TFDP2: variants seen among roughly 807,000 people sequenced by gnomAD.
TFDP2 encodes the protein transcription factor Dp-2, also known as transcription factor Dp-2 (E2F dimerization partner 2).
In TFDP2, 17 loss-of-function variants were observed where a neutral mutation model predicts 59.3. That is an observed-to-expected ratio of 0.29 (90% CI 0.20 to 0.43). TFDP2 has a LOEUF of 0.43. Ranked by LOEUF, TFDP2 falls within the 20% of genes least tolerant of loss-of-function variation. The pLI, the probability that TFDP2 is intolerant of heterozygous loss-of-function variation, is 1.00. For missense variants in TFDP2, 391 were observed against 528.8 expected (o/e 0.74, Z 2.56); for synonymous variants, 180 against 194.7 (o/e 0.92, Z 0.63).
chr3:142,115,564 G>A (rs1419728792), intron 1 of TFDP2, among the ~76,000 whole-genome samples: 2 of 151,944 alleles, frequency 1.3e-5, no homozygotes, highest in East Asian at 1.9e-4. Flanking sequence ...GTGATCCGCC[G>A]GCCTCGGCCT....
chr3:142,126,499 A>G (rs890215368), intron 1 of TFDP2: 1 of 152,020 alleles, frequency 6.6e-6, no homozygotes, highest in Non-Finnish European at 1.5e-5. Flanking sequence ...TATAGTTCTG[A>G]AACTGCAATA....
At chr3:142,140,554 A>T (rs2108750259) in intron 1 of TFDP2, among the ~76,000 whole-genome samples, 1 of 152,032 alleles carries the variant, frequency 6.6e-6, no homozygotes, top group Admixed American at 6.6e-5. Flanking sequence ...TTTGGTGTGG[A>T]TGTCCTTTTT....
chr3:142,008,816 T>C (rs1242198830), intron 3 of TFDP2, among the ~76,000 whole-genome samples: 2 of 152,224 alleles, frequency 1.3e-5, no homozygotes, highest in African/African-American at 4.8e-5. Flanking sequence ...CACATATATA[T>C]ACATTTTATG....
chr3:142,047,736 C>CTTTTTT (rs10707832), intron 3 of TFDP2, among the ~76,000 whole-genome samples: 1 of 112,480 alleles, frequency 8.9e-6, no homozygotes, highest in African/African-American at 3.1e-5. Flanking sequence ...AACTAATATG[C>CTTTTTT]TTTTTTTTTT....
chr3:141,995,946 A>T (rs2108205167), intron 4 of TFDP2, among the ~76,000 whole-genome samples: 1 of 151,532 alleles, frequency 6.6e-6, no homozygotes, highest in South Asian at 2.1e-4. Flanking sequence ...AAGATAGTTT[A>T]AAGACCATAA....
At chr3:142,134,307 C>T (rs2062635000) in intron 1 of TFDP2, among the ~76,000 whole-genome samples, 1 of 150,822 alleles carries the variant, frequency 6.6e-6, no homozygotes, top group Admixed American at 6.6e-5. Flanking sequence ...CGAGACCGTG[C>T]CACTGCACTC....
chr3:142,020,116 C>T (rs895687252), intron 3 of TFDP2, among the ~76,000 whole-genome samples: 2 of 152,182 alleles, frequency 1.3e-5, no homozygotes, highest in African/African-American at 4.8e-5. Context: ...AATGATTTCA[C>T]AACCTTAAGA....
chr3:142,057,291 T>A (rs1413463703), intron 3 of TFDP2, among the ~76,000 whole-genome samples: 2 of 152,256 alleles, frequency 1.3e-5, no homozygotes, highest in South Asian at 4.2e-4. Flanking sequence ...AGACGAAATT[T>A]AAAAAAATAC....
At position 141,964,876 on chromosome 3, in the gene TFDP2, C is replaced by G. The variant is rs1216158805; in HGVS notation, c.733-913G>C. Among the ~76,000 whole-genome samples the G allele has an allele frequency of 2.6e-5, 4 of 152,166 alleles. No individual in the cohort carries two copies. The South Asian group carries it at 8.3e-4, about 32-fold the overall frequency. On this transcript the variant is annotated intron_variant, in intron 9 of 12. Transcript: ENST00000489671. The stretch of plus-strand genomic sequence containing the variant: ...TCCAGATGAGGTAACTGAGGCTCAG[C>G]ACTAATTATAAGATACATCAAGGCC...
intron 3 of TFDP2, among the ~76,000 whole-genome samples, chr3:142,023,598 A>G (rs750033692): frequency 6.6e-5 from 10 of 152,198 alleles, no homozygotes; most frequent in Non-Finnish European, 1.0e-4. Flanking sequence ...AGCAAATAAA[A>G]GAGGGGATCG....
intron 3 of TFDP2, among the ~76,000 whole-genome samples, chr3:142,059,249 G>A (rs973417126): frequency 6.6e-6 from 1 of 152,094 alleles, no homozygotes; most frequent in African/African-American, 2.4e-5. Context: ...GCATTTGCTT[G>A]TGGCCATTCT....
chr3:141,962,012 A>C (rs1425756351), intron 10 of TFDP2, among the ~76,000 whole-genome samples: 1 of 151,980 alleles, frequency 6.6e-6, no homozygotes, highest in Non-Finnish European at 1.5e-5. Flanking sequence ...GCAATGGTAC[A>C]ATCTTGGGTC....
At chr3:142,148,289 T>G (rs557528779) in intron 1 of TFDP2, among the ~76,000 whole-genome samples, 1 of 152,198 alleles carries the variant, frequency 6.6e-6, no homozygotes, top group South Asian at 2.1e-4. Flanking sequence ...GATAAAAGTA[T>G]TCATGGGCTC....
intron 1 of TFDP2, among the ~76,000 whole-genome samples, chr3:142,139,877 G>A (rs887398488): frequency 6.6e-6 from 1 of 152,142 alleles, no homozygotes; most frequent in Non-Finnish European, 1.5e-5. Context: ...TATCTTTGTG[G>A]TGTTCTCTGT....
chr3:142,086,125 T>G (rs1220361701), intron 3 of TFDP2, among the ~76,000 whole-genome samples: 1 of 152,190 alleles, frequency 6.6e-6, no homozygotes, highest in African/African-American at 2.4e-5. Flanking sequence ...ACTTCTAGTT[T>G]TGTCTACATT....
intron 1 of TFDP2, among the ~76,000 whole-genome samples, chr3:142,128,597 T>C (rs2062366170): frequency 6.8e-6 from 1 of 147,830 alleles, no homozygotes; most frequent in African/African-American, 2.5e-5. Context: ...ATCTCTAACA[T>C]GAAATAAAGA....
intron 2 of TFDP2, among the ~76,000 whole-genome samples, chr3:142,093,468 G>T (rs2061064377): frequency 6.6e-6 from 1 of 151,568 alleles, no homozygotes; most frequent in South Asian, 2.1e-4. Context: ...AAAAAGGTGA[G>T]GGGAATATGA....
In TFDP2 at chr3:141,968,405, T is replaced by TATATAACATATATATAAC. The variant is rs1938578044; in HGVS notation, c.732+1667_732+1668insGTTATATATATGTTATAT. 2.3e-4 allele frequency among the ~76,000 whole-genome samples: 18 copies of TATATAACATATATATAAC among 78,956 alleles called. No individual in the cohort carries two copies. The East Asian group carries it at 4.8e-3, about 21-fold the overall frequency. The allele number at this position is 78,956 out of a possible 152,430, so 51.8% of individuals were successfully genotyped here. A position where few individuals can be genotyped will look rare whatever the true frequency, so the allele number is the denominator to read the frequency against. ...TCTCATATATATAACATATATATCA[T>TATATAACATATATATAAC]ATATATAACATATATATCTCATATA... On this transcript the variant is annotated intron_variant, in intron 9 of 12. Coordinates refer to ENST00000489671, the MANE Select transcript of TFDP2 (RefSeq NM_001178139.2).
intron 1 of TFDP2, among the ~76,000 whole-genome samples, chr3:142,136,089 G>A (rs1347849226): frequency 2.6e-5 from 4 of 151,842 alleles, no homozygotes; most frequent in Admixed American, 6.6e-5. Context: ...TTTAATTATC[G>A]CTGTTCTGAC....
Sources: allele counts gnomAD v4.1 joint callset (sites outside exome capture counted in the v4.1 genomes callset), GRCh38; gene constraint gnomAD v4.1.1; transcripts MANE v1.5; gene names NCBI Gene and HGNC (gene_info 2026-07-23, HGNC 2026-07-21).